GUCY1A2: variants seen among roughly 807,000 people sequenced by gnomAD.
The protein encoded by GUCY1A2 is guanylate cyclase 1 soluble subunit alpha 2.
A neutral mutation model predicts 63.5 loss-of-function variants in GUCY1A2; 27 were observed. The ratio of observed to expected loss-of-function variants is 0.43; its 90% CI spans 0.31 to 0.59. GUCY1A2 has a LOEUF of 0.59. GUCY1A2 is among the 20% of genes least tolerant of loss of function. GUCY1A2 has a pLI of 0.11. For missense variants in GUCY1A2, 768 were observed against 913.3 expected (o/e 0.84, Z 2.05); for synonymous variants, 364 against 343.5 (o/e 1.06, Z -0.66).
chr11:106,918,948 C>T (rs1221902952), intron 4 of GUCY1A2, among the ~76,000 whole-genome samples: 1 of 152,070 alleles, frequency 6.6e-6, no homozygotes, highest in Non-Finnish European at 1.5e-5. Flanking sequence ...CGATACTGCC[C>T]AGGTATATAG....
chr11:106,958,665 A>C (rs1861021622), intron 3 of GUCY1A2, among the ~76,000 whole-genome samples: 1 of 151,792 alleles, frequency 6.6e-6, no homozygotes, highest in Non-Finnish European at 1.5e-5. Flanking sequence ...ATGATTTGGA[A>C]GGATACTACG....
chr11:106,781,551 T>C (rs1864463689), intron 5 of GUCY1A2, among the ~76,000 whole-genome samples: 1 of 152,118 alleles, frequency 6.6e-6, no homozygotes, highest in South Asian at 2.1e-4. Flanking sequence ...ATATTAGAGC[T>C]ATGCATTCAC....
intron 1 of GUCY1A2, among the ~76,000 whole-genome samples, chr11:107,002,397 G>GTGTGTGTA (rs1861622726): frequency 1.3e-5 from 2 of 151,714 alleles, no homozygotes; most frequent in African/African-American, 4.8e-5. Context: ...AGGTGTGTGT[G>GTGTGTGTA]TGTGTGTGTG....
intron 1 of GUCY1A2, among the ~76,000 whole-genome samples, chr11:106,992,458 T>C (rs1451078523): frequency 3.3e-5 from 5 of 151,280 alleles, no homozygotes; most frequent in Non-Finnish European, 7.4e-5. Context: ...GTCTCCCAAG[T>C]AGCTGGGACT....
rs1193313640 is a variant in GUCY1A2, at chr11:106,708,497, C to A, written c.1991+15G>T. ...AAAGGCCAAGACAGGAAGGAGGAGGCCAGAGAACACTTACTGGTAAGTGGT... is the reference window on the plus strand; with the variant it reads ...AAAGGCCAAGACAGGAAGGAGGAGGACAGAGAACACTTACTGGTAAGTGGT... On this transcript the variant is annotated intron_variant, in intron 7 of 7. Transcript: ENST00000526355. 3 of 1,603,230 alleles carry A rather than the reference C, an allele frequency of 1.9e-6. No individual in the cohort carries two copies. The highest frequency in any genetic ancestry group is 3.4e-5 in the Admixed American group (2 of 59,308).
chr11:106,982,342 T>G (rs1479278184), intron 2 of GUCY1A2, among the ~76,000 whole-genome samples: 1 of 151,738 alleles, frequency 6.6e-6, no homozygotes, highest in African/African-American at 2.4e-5. Flanking sequence ...TGCTACTGAC[T>G]TCTTCTGCTC....
intron 1 of GUCY1A2, among the ~76,000 whole-genome samples, chr11:106,999,887 C>T (rs1326989258): frequency 1.3e-5 from 2 of 152,152 alleles, no homozygotes; most frequent in African/African-American, 2.4e-5. Flanking sequence ...GTCAAGAAAG[C>T]TAGATTGATG....
chr11:107,018,028 A>T lies in GUCY1A2; in HGVS notation c.28T>A (p.Ser10Thr). 1 of 1,473,598 alleles carries T rather than the reference A, an allele frequency of 6.8e-7. No homozygotes were observed. The highest frequency in any genetic ancestry group is 9.1e-7 in the Non-Finnish European group (1 of 1,101,572). The allele number at this position is 1,473,598 out of a possible 1,614,324, so 91.3% of individuals were successfully genotyped here. Residue 10 changes from serine to threonine, a missense_variant, in exon 1 of 8, where the codon TCC becomes ACC. Physicochemically the swap from Ser to Thr is moderately conservative, Grantham distance 58 (BLOSUM62 1). This residue lies in a region of GUCY1A2 where 496 missense variants were observed against 486.9 expected (regional missense o/e 1.02). Transcript: ENST00000526355. MSRRKISSE[S>T]FSSLGSDYLE... ...TAGTCGGAGCCCAGGGAGCTGAAGG[A>T]CTCGGACGAAATCTTCCTTCGAGAC...
intron 7 of GUCY1A2, among the ~76,000 whole-genome samples, chr11:106,705,133 TTAAAAAA>T (rs374482480): frequency 2.0e-5 from 3 of 152,184 alleles, no homozygotes; most frequent in Non-Finnish European, 4.4e-5. Flanking sequence ...TTTGTGATAA[TTAAAAAA>T]TAGAAAATAT....
rs774580694 is a variant in GUCY1A2, at chr11:106,939,522, G to A, written c.1144C>T (p.Leu382=). The change falls in exon 4 of 8, where the codon CTG becomes TTG. Residue 382 remains leucine (L), a synonymous_variant. Transcript: ENST00000526355. ...GTTCTAATCACAAACGGGGTAGACA[G>A]TCGCAGCAGGACCCTTTCAAAGGTG... The part of the protein sequence containing the change: ...NATFERVLLR[L]STPFVIRTKP... The A allele has an allele frequency of 5.6e-6, 9 of 1,613,462 alleles. 1 individual carries two copies. The South Asian group carries it at 9.9e-5, about 18-fold the overall frequency.
chr11:106,936,866 T>C (rs1393096164), intron 4 of GUCY1A2, among the ~76,000 whole-genome samples: 2 of 152,130 alleles, frequency 1.3e-5, no homozygotes. Context: ...ACTAAAAAAT[T>C]AGAGACTTCA....
At chr11:106,993,334 G>C (rs1861494573) in intron 1 of GUCY1A2, among the ~76,000 whole-genome samples, 1 of 152,086 alleles carries the variant, frequency 6.6e-6, no homozygotes, top group African/African-American at 2.4e-5. Context: ...TTTCTTTGTA[G>C]GTAGGCCTGT....
intron 4 of GUCY1A2, among the ~76,000 whole-genome samples, chr11:106,858,695 A>C (rs1229460122): frequency 6.6e-6 from 1 of 152,094 alleles, no homozygotes; most frequent in Non-Finnish European, 1.5e-5. Flanking sequence ...GTGAGAGACA[A>C]ATTCCTTTGA....
intron 5 of GUCY1A2, among the ~76,000 whole-genome samples, chr11:106,778,663 CA>C (rs999087028): frequency 6.2e-5 from 9 of 144,294 alleles, no homozygotes; most frequent in East Asian, 2.0e-4. Context: ...TCCATCATCT[CA>C]AAAAAAAAAG....
intron 4 of GUCY1A2, among the ~76,000 whole-genome samples, chr11:106,916,090 G>C (rs1321334584): frequency 2.1e-5 from 3 of 145,736 alleles, no homozygotes; most frequent in Non-Finnish European, 4.6e-5. Context: ...TATAAAGACA[G>C]CTTTCTAAAC....
rs547572690 is a variant in GUCY1A2, at chr11:106,933,674, C to T, written c.1206+5786G>A. ...ATTATTGCAGCACTATTCACAATAG[C>T]GAAGACAGGGAATCAACCCAGGTGC... On this transcript the variant is annotated intron_variant, in intron 4 of 7. Coordinates refer to ENST00000526355, the MANE Select transcript of GUCY1A2 (RefSeq NM_000855.3). Among the ~76,000 whole-genome samples the T allele has an allele frequency of 3.3e-5, 5 of 152,174 alleles. No homozygotes were observed. In the East Asian group the frequency reaches 7.7e-4, roughly 24 times the overall value.
rs572737018 is a variant in GUCY1A2 at position 106,726,777 on chromosome 11, C to T, written c.1837-18111G>A. On this transcript the variant is annotated intron_variant, in intron 6 of 7. Transcript: ENST00000526355. ...TTGGTGTCATGGATTGGAATAAGAG[C>T]TAAAGGAAAATTAACAAGTTCCCTT... Among the ~76,000 whole-genome samples the T allele has an allele frequency of 3.3e-5, 5 of 152,210 alleles. No individual in the cohort carries two copies. The South Asian group carries it at 1.0e-3, about 32-fold the overall frequency.
chr11:106,737,381 T>C (rs1336839073), intron 6 of GUCY1A2, among the ~76,000 whole-genome samples: 1 of 152,302 alleles, frequency 6.6e-6, no homozygotes, highest in African/African-American at 2.4e-5. Flanking sequence ...CCACTTCTCT[T>C]AGAGTGGACC....
intron 5 of GUCY1A2, among the ~76,000 whole-genome samples, chr11:106,795,259 A>C (rs1864733968): frequency 6.6e-6 from 1 of 152,182 alleles, no homozygotes; most frequent in African/African-American, 2.4e-5. Context: ...AGGCAACTAC[A>C]ACAGTCCTCA....
Sources: gnomAD v4.1 joint callset for allele counts (sites outside exome capture counted in the v4.1 genomes callset) on GRCh38, gnomAD v4.1.1 for gene constraint, gnomAD v4.1.1 regional missense constraint, MANE v1.5 for transcripts, NCBI Gene and HGNC (gene_info 2026-07-23, HGNC 2026-07-21) for gene names.